BNC2: variants seen among roughly 807,000 people sequenced by gnomAD.
The protein encoded by BNC2 is zinc finger protein basonuclin-2.
A neutral mutation model predicts 76.3 loss-of-function variants in BNC2; 20 were observed. That is an observed-to-expected ratio of 0.26 (90% CI 0.18 to 0.38). The LOEUF (loss-of-function observed/expected upper bound fraction) is 0.38. BNC2 is among the 10% of genes least tolerant of loss of function. BNC2 has a pLI of 1.00. For missense variants in BNC2, 1,382 were observed against 1,399.8 expected, an observed-to-expected ratio of 0.99 and a Z score of 0.20; for synonymous variants, 582 against 514.8, an observed-to-expected ratio of 1.13 and a Z score of -1.77.
chr9:16,482,418 C>T (rs1822076157), intron 5 of BNC2, among the ~76,000 whole-genome samples: 2 of 151,700 alleles, frequency 1.3e-5, no homozygotes, highest in African/African-American at 2.4e-5. Flanking sequence ...TAAAAAAATG[C>T]TATAAATAGT....
chr9:16,681,953 T>G (rs1218972886), intron 3 of BNC2, among the ~76,000 whole-genome samples: 2 of 151,784 alleles, frequency 1.3e-5, no homozygotes, highest in Non-Finnish European at 2.9e-5. Flanking sequence ...TGACCAAGGA[T>G]GTAAGGCTAC....
At chr9:16,845,218 C>A (rs2136118455) in intron 1 of BNC2, among the ~76,000 whole-genome samples, 1 of 152,228 alleles carries the variant, frequency 6.6e-6, no homozygotes, top group South Asian at 2.1e-4. Context: ...TTCTTAAAAC[C>A]AAACATACCT....
At position 16,630,087 on chromosome 9, in the gene BNC2, T is replaced by C. The variant is rs1196926486; in HGVS notation, c.331-47002A>G. On this transcript the variant is annotated intron_variant, in intron 3 of 6. Coordinates refer to ENST00000380672, the MANE Select transcript of BNC2 (RefSeq NM_017637.6). The stretch of plus-strand genomic sequence containing the variant: ...CAATTTGTAAAAGAAATGCAGTATC[T>C]GCAGAGTGCAGTAAAGCCAAGTGCA... Among the ~76,000 whole-genome samples the C allele has an allele frequency of 2.0e-5, 3 of 152,340 alleles. No individual in the cohort carries two copies. The East Asian group carries it at 5.8e-4, about 29-fold the overall frequency.
rs201915396 is a variant in BNC2 at position 16,780,246 on chromosome 9, A to C, written c.4-41761T>G. ...GCAAGACTTCGTTTCAAAAAAAAAA[A>C]AAAAAAAAAACAAAAAAAAACTACT... On this transcript the variant is annotated intron_variant, in intron 1 of 6. Transcript: ENST00000380672. Among the ~76,000 whole-genome samples, 178 of 118,030 alleles carry C rather than the reference A, an allele frequency of 1.5e-3. 2 individuals carry two copies. In the South Asian group the frequency reaches 0.017, roughly 11 times the overall value. 77.4% of individuals were successfully genotyped at this position (118,030 alleles called of 152,430 possible). A position where few individuals can be genotyped will look rare whatever the true frequency, so the allele number is the denominator to read the frequency against.
intron 3 of BNC2, among the ~76,000 whole-genome samples, chr9:16,725,593 ATAT>A (rs2134947476): frequency 6.6e-6 from 1 of 152,306 alleles, no homozygotes; most frequent in African/African-American, 2.4e-5. Context: ...AAATAGCATA[ATAT>A]TATACAGTTT....
At chr9:16,531,859 C>T (rs937933649) in intron 5 of BNC2, among the ~76,000 whole-genome samples, 5 of 152,098 alleles carry the variant, frequency 3.3e-5, no homozygotes, top group Non-Finnish European at 7.4e-5. Context: ...AAATGCTTGA[C>T]TAACACCACC....
At chr9:16,420,646 C>T (rs764680339) in intron 6 of BNC2, among the ~76,000 whole-genome samples, 1 of 151,954 alleles carries the variant, frequency 6.6e-6, no homozygotes, top group Non-Finnish European at 1.5e-5. Flanking sequence ...TTATTCTACT[C>T]ACTCAGTGCT....
intron 3 of BNC2, among the ~76,000 whole-genome samples, chr9:16,673,976 C>T (rs1391988209): frequency 2.6e-5 from 4 of 152,248 alleles, no homozygotes; most frequent in African/African-American, 4.8e-5. Context: ...CTCTTGCCAA[C>T]ATTTTACATT....
intron 1 of BNC2, among the ~76,000 whole-genome samples, chr9:16,774,505 C>T (rs928274928): frequency 1.3e-5 from 2 of 152,134 alleles, no homozygotes; most frequent in African/African-American, 2.4e-5. Context: ...GCTCAGGCTT[C>T]GAAAGACATT....
chr9:16,758,476 G>GCA (rs1026852981), intron 1 of BNC2, among the ~76,000 whole-genome samples: 13 of 152,004 alleles, frequency 8.6e-5, no homozygotes, highest in African/African-American at 3.1e-4. Context: ...GACTACAGGT[G>GCA]CACACCACCA....
intron 5 of BNC2, among the ~76,000 whole-genome samples, chr9:16,536,505 C>A (rs1010061437): frequency 1.3e-5 from 2 of 152,014 alleles, no homozygotes; most frequent in African/African-American, 4.8e-5. Flanking sequence ...AAAAACACAG[C>A]CTTTTGTTTT....
At chr9:16,764,033 C>T (rs983038386) in intron 1 of BNC2, among the ~76,000 whole-genome samples, 2 of 152,106 alleles carry the variant, frequency 1.3e-5, no homozygotes, top group African/African-American at 2.4e-5. Context: ...AAGTATGTGA[C>T]GAGAATTAAA....
At chr9:16,495,973 A>G (rs927671506) in intron 5 of BNC2, among the ~76,000 whole-genome samples, 4 of 146,834 alleles carry the variant, frequency 2.7e-5, no homozygotes, top group Non-Finnish European at 4.5e-5. Context: ...CAATGGTGTG[A>G]TCTTGGCTTA....
At chr9:16,535,408 T>A (rs1818100185) in intron 5 of BNC2, among the ~76,000 whole-genome samples, 1 of 152,190 alleles carries the variant, frequency 6.6e-6, no homozygotes, top group Non-Finnish European at 1.5e-5. Context: ...TAGTTAGGTC[T>A]ACAACCTTAC....
chr9:16,681,379 T>C (rs1279345232), intron 3 of BNC2, among the ~76,000 whole-genome samples: 1 of 152,128 alleles, frequency 6.6e-6, no homozygotes, highest in Admixed American at 6.5e-5. Context: ...TAGGGATGTA[T>C]TGCTTGTGTG....
chr9:16,533,788 T>C (rs1818051591), intron 5 of BNC2, among the ~76,000 whole-genome samples: 1 of 152,130 alleles, frequency 6.6e-6, no homozygotes, highest in Non-Finnish European at 1.5e-5. Context: ...AACAAGGAGA[T>C]AATTAGGCAG....
intron 1 of BNC2, among the ~76,000 whole-genome samples, chr9:16,809,769 T>G (rs1017583345): frequency 2.0e-5 from 3 of 151,986 alleles, no homozygotes; most frequent in African/African-American, 7.2e-5. Context: ...AGTGCAAGAC[T>G]CTGTCTCAAA....
At chr9:16,722,764 T>G (rs1824196018) in intron 3 of BNC2, among the ~76,000 whole-genome samples, 1 of 152,210 alleles carries the variant, frequency 6.6e-6, no homozygotes, top group Non-Finnish European at 1.5e-5. Context: ...TTACTTGCGT[T>G]AACGTTTACA....
intron 1 of BNC2, among the ~76,000 whole-genome samples, chr9:16,789,726 T>A (rs1021299379): frequency 6.6e-6 from 1 of 152,332 alleles, no homozygotes; most frequent in South Asian, 2.1e-4. Flanking sequence ...TGTTATAGTA[T>A]AATGGTCTTG....
Sources: allele counts gnomAD v4.1 joint callset (sites outside exome capture counted in the v4.1 genomes callset), GRCh38; gene constraint gnomAD v4.1.1; transcripts MANE v1.5; gene names NCBI Gene and HGNC (gene_info 2026-07-23, HGNC 2026-07-21).